MEGF6: variants seen among roughly 807,000 people sequenced by gnomAD.
MEGF6 encodes the protein multiple epidermal growth factor-like domains protein 6.
A neutral mutation model predicts 207.1 loss-of-function variants in MEGF6; 184 were observed. The observed-to-expected ratio is 0.89, with a 90% CI of 0.79 to 1.00. The LOEUF is 1.00. MEGF6 is among the 50% of genes least tolerant of loss of function. MEGF6 has a pLI of 0.00. For synonymous variants in MEGF6, 1,038 were observed against 910.0 expected, an observed-to-expected ratio of 1.14 and a Z score of -2.53; for missense variants, 2,282 against 2,202.9, an observed-to-expected ratio of 1.04 and a Z score of -0.72.
intron 3 of MEGF6, among the ~76,000 whole-genome samples, chr1:3,588,850 G>T (rs1254491762): frequency 6.6e-6 from 1 of 151,972 alleles, no homozygotes; most frequent in African/African-American, 2.4e-5. Context: ...CCACCATGAA[G>T]CAGCCCTCAC....
At chr1:3,537,468 C>A (rs1642367939) in intron 4 of MEGF6, among the ~76,000 whole-genome samples, 1 of 152,262 alleles carries the variant, frequency 6.6e-6, no homozygotes, top group Non-Finnish European at 1.5e-5. Context: ...GCGATCACCA[C>A]CGCCCACAAC....
chr1:3,554,833 A>G, intron 4 of MEGF6, among the ~76,000 whole-genome samples: 1 of 152,354 alleles, frequency 6.6e-6, no homozygotes, highest in Non-Finnish European at 1.5e-5. Context: ...AGTCGTTGCC[A>G]TTCAAGGTAA....
chr1:3,506,077 C>G, intron 15 of MEGF6, 31 bp downstream of exon 15: 1 of 1,567,556 alleles, frequency 6.4e-7, no homozygotes, highest in Non-Finnish European at 8.7e-7. Context: ...CTGCCACCAC[C>G]ATGGACACTG....
At chr1:3,491,803 T>A (rs1569915521) in intron 35 of MEGF6, among the ~76,000 whole-genome samples, 1 of 138,772 alleles carries the variant, frequency 7.2e-6, no homozygotes, top group Non-Finnish European at 1.6e-5. Flanking sequence ...CAGCAAAGTC[T>A]GGGCTGGCCA....
intron 3 of MEGF6, among the ~76,000 whole-genome samples, chr1:3,588,637 G>T (rs1277331326): frequency 1.3e-5 from 2 of 152,100 alleles, no homozygotes; most frequent in African/African-American, 2.4e-5. Context: ...GTGCCTGGGG[G>T]TCTGCCCCAG....
At chr1:3,598,358 G>A (rs968376633) in intron 2 of MEGF6, among the ~76,000 whole-genome samples, 5 of 152,188 alleles carry the variant, frequency 3.3e-5, no homozygotes, top group African/African-American at 4.8e-5. Context: ...TCATGCACGC[G>A]CACTGCACAG....
At chr1:3,575,631 C>CGTCTT (rs61057554) in intron 4 of MEGF6, among the ~76,000 whole-genome samples, 97,473 of 150,070 alleles carry the variant, frequency 0.65, 31,514 homozygotes, top group East Asian at 0.8. Flanking sequence ...GAGCAAGTCA[C>CGTCTT]ATCTTACATG....
In MEGF6 at chr1:3,515,462, G is replaced by C. The variant is rs555117408; in HGVS notation, c.670C>G (p.Arg224Gly). ...QHHCVQLTIT[R>G]HRCQCRPGFQ... ...CCGGGCCGGCACTGGCAGCGATGCC[G>C]AGTGATTGTGAGCTGGACACAGTGG... The change falls in exon 6 of 37, where the codon CGG (arginine) becomes GGG (glycine). Residue 224 changes from arginine (R) to glycine (G), a missense_variant. Transcript: ENST00000356575. 2.5e-6 allele frequency: 4 copies of C among 1,612,738 alleles called. No homozygotes were observed. Among genetic ancestry groups the C allele is most frequent in the East Asian group, 2.2e-5 (1 of 44,884 alleles).
chr1:3,555,431 C>T (rs944359403), intron 4 of MEGF6, among the ~76,000 whole-genome samples: 8 of 152,302 alleles, frequency 5.3e-5, no homozygotes, highest in Non-Finnish European at 1.0e-4. Context: ...CATGTCCAGA[C>T]GAGACAGGAA....
At chr1:3,580,579 T>C (rs1643772202) in intron 3 of MEGF6, among the ~76,000 whole-genome samples, 1 of 152,024 alleles carries the variant, frequency 6.6e-6, no homozygotes, top group Non-Finnish European at 1.5e-5. Context: ...GGGCGCCTTG[T>C]GGCTTGGCAG....
intron 4 of MEGF6, among the ~76,000 whole-genome samples, chr1:3,538,495 T>C (rs2101476693): frequency 6.6e-6 from 1 of 152,320 alleles, no homozygotes; most frequent in Non-Finnish European, 1.5e-5. Context: ...CATTCCTGAC[T>C]GCAGCTGTCC....
Position 3,495,898 on chromosome 1 carries a change from C to T in MEGF6, c.3863G>A (p.Cys1288Tyr). 1 of 1,598,294 alleles carries T rather than the reference C, an allele frequency of 6.3e-7. No homozygotes were observed. Residue 1288 changes from cysteine to tyrosine, a missense_variant, in exon 30 of 37, where the codon TGT (cysteine) becomes TAT (tyrosine). Transcript: ENST00000356575. The stretch of plus-strand genomic sequence containing the variant: ...CTGGAGTGAACACTCACCTCGCTCA[C>T]AGCGGACGCCGGCTCTCCCCGGGGG... ...LCPPGRAGVR[C>Y]ERGCPQNRFG...
In MEGF6 at chr1:3,573,375, G is replaced by GCCC. The variant is rs1265110440; in HGVS notation, c.481+6447_481+6449dup. ...GGCCTCCTGGCTGAGCCAGCTCCAG[G>GCCC]CCCAGATGGAAACCTTCTGCTTGGC... is the stretch of plus-strand genomic sequence containing the variant. On this transcript the variant is annotated intron_variant, in intron 4 of 36. Transcript: ENST00000356575. The surrounding 1 kb of genome is among the most constrained non-coding windows in gnomAD (Gnocchi z 5.1). Among the ~76,000 whole-genome samples, 3 of 152,304 alleles carry GCCC rather than the reference G, an allele frequency of 2.0e-5. No individual in the cohort carries two copies. The East Asian group carries it at 5.8e-4, about 29-fold the overall frequency.
intron 4 of MEGF6, among the ~76,000 whole-genome samples, chr1:3,548,871 G>A (rs1306065106): frequency 6.6e-5 from 10 of 152,128 alleles, no homozygotes; most frequent in Admixed American, 2.0e-4. Flanking sequence ...GGGCCTTCAG[G>A]GACCCCCCCA....
intron 5 of MEGF6, among the ~76,000 whole-genome samples, chr1:3,523,401 A>C (rs1348268788): frequency 2.0e-5 from 3 of 152,086 alleles, no homozygotes; most frequent in African/African-American, 7.2e-5. Context: ...GCCGGTTCCT[A>C]GAGGCCTGGC....
intron 4 of MEGF6, among the ~76,000 whole-genome samples, chr1:3,530,712 G>A (rs4648393): frequency 0.031 from 4,682 of 152,314 alleles, 132 homozygotes; most frequent in East Asian, 0.1. Flanking sequence ...CTCAGCTCCG[G>A]GGGTCTCAAA....
At chr1:3,620,638 C>G in the MEGF6 span, among the ~76,000 whole-genome samples, 4 of 152,246 alleles carry the variant, frequency 2.6e-5, no homozygotes, top group African/African-American at 9.6e-5. Context: ...GGAGTCCCCA[C>G]TGGGGCACTT....
chr1:3,531,315 G>A (rs1285138390), intron 4 of MEGF6: 7 of 1,240,300 alleles, frequency 5.6e-6, no homozygotes, highest in African/African-American at 1.6e-5. Flanking sequence ...GCGGCCGGGC[G>A]ACGGGGCAGG....
At chr1:3,582,504 G>A (rs749701179) in intron 3 of MEGF6, among the ~76,000 whole-genome samples, 35 of 152,256 alleles carry the variant, frequency 2.3e-4, no homozygotes, top group African/African-American at 8.4e-4. Context: ...CTCTGCAGAC[G>A]CCTCTTAGCC....
Sources: allele counts gnomAD v4.1 joint callset (sites outside exome capture counted in the v4.1 genomes callset), GRCh38; gene constraint gnomAD v4.1.1; non-coding constraint Gnocchi (gnomAD v3.1); transcripts MANE v1.5; gene names NCBI Gene and HGNC (gene_info 2026-07-23, HGNC 2026-07-21).